Variants in AFG3L2 observed in about 807,000 individuals in gnomAD.
AFG3L2 encodes the protein AFG3 like matrix AAA peptidase subunit 2.
Under a neutral mutation model 94.5 loss-of-function variants are expected in AFG3L2, and 54 were observed. The observed-to-expected ratio is 0.57, with a 90% CI of 0.46 to 0.72. The LOEUF (loss-of-function observed/expected upper bound fraction) is 0.72. Among genes scored for constraint, AFG3L2 ranks in the 30% least tolerant of loss-of-function variants. The pLI, the probability that AFG3L2 is intolerant of heterozygous loss-of-function variation, is 0.00. For missense variants in AFG3L2, 754 were observed against 994.9 expected (o/e 0.76, Z 3.26); for synonymous variants, 377 against 365.5 (o/e 1.03, Z -0.36).
rs550591123 is a variant in AFG3L2 at position 12,329,240 on chromosome 18, G to A, written c.*325C>T. ...CCACACGCCAAGAGTCCAGTGCAAC[G>A]ATCCCTGCCACACGGTCAGCCGACC... On this transcript the variant is annotated 3_prime_UTR_variant, in exon 17 of 17. Transcript: ENST00000269143. The A allele has an allele frequency of 2.6e-4, 185 of 702,300 alleles. No homozygotes were observed. The highest frequency in any genetic ancestry group is 2.5e-3 in the African/African-American group (146 of 57,334). 43.5% of individuals were successfully genotyped at this position (702,300 alleles called of 1,614,324 possible). A position where few individuals can be genotyped will look rare whatever the true frequency, so the allele number is the denominator to read the frequency against.
At chr18:12,349,778 C>T in intron 12 of AFG3L2, among the ~76,000 whole-genome samples, 1 of 152,052 alleles carries the variant, frequency 6.6e-6, no homozygotes, top group South Asian at 2.1e-4. Context: ...TCTCCTGCTT[C>T]AGCCTCCCGA....
intron 9 of AFG3L2, among the ~76,000 whole-genome samples, chr18:12,354,132 A>ACCCCCCCCCCCCC (rs1555672008): frequency 1.8e-5 from 1 of 55,842 alleles, no homozygotes; most frequent in Non-Finnish European, 3.4e-5. Context: ...GCCCACTCCC[A>ACCCCCCCCCCCCC]CCCCCCCCCC....
intron 6 of AFG3L2, among the ~76,000 whole-genome samples, chr18:12,362,083 G>A (rs1236650161): frequency 1.3e-5 from 2 of 152,212 alleles, no homozygotes; most frequent in Non-Finnish European, 2.9e-5. Context: ...CAGGACTCAA[G>A]TTTTAATAGC....
chr18:12,331,987 A>T (rs1313037125), intron 16 of AFG3L2, among the ~76,000 whole-genome samples: 1 of 152,112 alleles, frequency 6.6e-6, no homozygotes, highest in African/African-American at 2.4e-5. Flanking sequence ...AGCCTACAGA[A>T]AAAGGGACCC....
Position 12,377,185 on chromosome 18 carries a change from G to C in AFG3L2, c.-103C>G, listed in dbSNP as rs1227688874. 1.1e-6 allele frequency: 1 copy of C among 887,998 alleles called. No homozygotes were observed. Among genetic ancestry groups the C allele is most frequent in the Admixed American group, 2.7e-5 (1 of 36,422 alleles). The allele number at this position is 887,998 out of a possible 1,614,324, so 55.0% of individuals were successfully genotyped here. On this transcript the variant is annotated 5_prime_UTR_variant, in exon 1 of 17. Coordinates refer to ENST00000269143, the MANE Select transcript of AFG3L2 (RefSeq NM_006796.3). ...GCTCGGCTCGGGGAAAGGCCGCCAG[G>C]CAGCGAAGCGCGCCGGCGGCTCACG...
chr18:12,331,870 G>T (rs1907544043), intron 16 of AFG3L2, among the ~76,000 whole-genome samples: 1 of 147,466 alleles, frequency 6.8e-6, no homozygotes, highest in African/African-American at 2.6e-5. Flanking sequence ...TAAAACAAGG[G>T]CAGAGATACA....
chr18:12,351,019 G>A lies in AFG3L2; in HGVS notation c.1552+66C>T, dbSNP rs774923992. 1.2e-3 allele frequency: 1,989 copies of A among 1,593,728 alleles called. 5 individuals carry two copies. Among genetic ancestry groups the A allele is most frequent in the Non-Finnish European group, 1.6e-3 (1,812 of 1,164,196 alleles). ...AAGTGAAAAGGTAAGAAAGTAAACC[G>A]GTACCTGGTAACTGTTACTGATTTT... On this transcript the variant is annotated intron_variant, in intron 12 of 16. Transcript: ENST00000269143.
intron 9 of AFG3L2, 88 bp downstream of exon 9, chr18:12,356,606 G>T: frequency 6.3e-7 from 1 of 1,584,304 alleles, no homozygotes; most frequent in Non-Finnish European, 8.7e-7. Flanking sequence ...GCACTCTAGG[G>T]GGAAGGGCCA....
Position 12,351,288 on chromosome 18 carries a change from C to T in AFG3L2, c.1426+18G>A. ...ACACTCATGAGCACTGGACCTGCCC[C>T]AGCAAACATCATCTCACCAATAAAG... On this transcript the variant is annotated intron_variant, in intron 11 of 16. Coordinates refer to ENST00000269143, the MANE Select transcript of AFG3L2 (RefSeq NM_006796.3). 10 of 1,614,140 alleles carry T rather than the reference C, an allele frequency of 6.2e-6. No individual in the cohort carries two copies. The highest frequency in any genetic ancestry group is 8.5e-6 in the Non-Finnish European group (10 of 1,179,998).
intron 13 of AFG3L2, among the ~76,000 whole-genome samples, chr18:12,345,891 T>C (rs552387473): frequency 6.6e-6 from 1 of 152,350 alleles, no homozygotes; most frequent in South Asian, 2.1e-4. Context: ...GGTGATTCAT[T>C]CATTCAACAA....
At chr18:12,332,710 T>G (rs1004486559) in intron 16 of AFG3L2, among the ~76,000 whole-genome samples, 2 of 149,430 alleles carry the variant, frequency 1.3e-5, no homozygotes, top group Non-Finnish European at 3.0e-5. Flanking sequence ...TCTAAAAGAT[T>G]AGGATTGTTT....
chr18:12,329,885 A>G lies in AFG3L2; in HGVS notation c.2176-102T>C, dbSNP rs1048124730. ...GTGACCCCATTCCAAAAAAGGATTT[A>G]AGACCAATGAAAAAGATGTCTCATA... On this transcript the variant is annotated intron_variant, in intron 16 of 16. Coordinates refer to ENST00000269143, the MANE Select transcript of AFG3L2 (RefSeq NM_006796.3). 4.4e-5 allele frequency: 45 copies of G among 1,027,302 alleles called. No homozygotes were observed. The African/African-American group carries it at 6.5e-4, about 15-fold the overall frequency. The allele number at this position is 1,027,302 out of a possible 1,614,324, so 63.6% of individuals were successfully genotyped here. A position where few individuals can be genotyped will look rare whatever the true frequency, so the allele number is the denominator to read the frequency against.
chr18:12,337,320 A>G (rs778865812), intron 16 of AFG3L2, 21 bp downstream of exon 16: 1 of 1,610,906 alleles, frequency 6.2e-7, no homozygotes, highest in Admixed American at 1.7e-5. Context: ...GTAAAGAATT[A>G]TTCCCACAAC....
At position 12,356,843 on chromosome 18, in the gene AFG3L2, A is replaced by T. The variant is rs370358777; in HGVS notation, c.1027-12T>A. ...GTGAGAATGGCACCCTTCAGATATG[A>T]AAAAAGAAATTACATTTAATGAGAA... is the stretch of plus-strand genomic sequence containing the variant. On this transcript the variant is annotated splice_polypyrimidine_tract_variant and intron_variant, in intron 8 of 16. Transcript: ENST00000269143. The T allele has an allele frequency of 2.1e-5, 34 of 1,613,470 alleles. No homozygotes were observed. The Middle Eastern group carries it at 6.8e-4, about 32-fold the overall frequency.
At position 12,377,024 on chromosome 18, in the gene AFG3L2, T is replaced by C; in HGVS notation, c.59A>G (p.Gln20Arg). ...GRGGCWPRGLQQLLVPGGVGP... is the reference protein window; with the variant it reads ...GRGGCWPRGLRQLLVPGGVGP... Reference sequence around the variant, plus strand: ...CACGCCGCCAGGCACGAGGAGCTGCTGTAGGCCGCGGGGCCAGCAGCCGCC... The same window carrying C: ...CACGCCGCCAGGCACGAGGAGCTGCCGTAGGCCGCGGGGCCAGCAGCCGCC... The change falls in exon 1 of 17, where the codon CAG (glutamine) becomes CGG (arginine). Residue 20 changes from glutamine to arginine, a missense_variant. By Grantham distance (43) the Gln-to-Arg change is conservative. Coordinates refer to ENST00000269143, the MANE Select transcript of AFG3L2 (RefSeq NM_006796.3). The C allele has an allele frequency of 6.9e-7, 1 of 1,449,446 alleles. No individual in the cohort carries two copies. The highest frequency in any genetic ancestry group is 9.1e-7 in the Non-Finnish European group (1 of 1,104,114). 89.8% of individuals were successfully genotyped at this position (1,449,446 alleles called of 1,614,324 possible).
rs770925492 is a variant in AFG3L2, at chr18:12,370,831, A to ATATATTATATTT, written c.292+17_292+18insAAATATAATATA. The ATATATTATATTT allele has an allele frequency of 5.9e-5, 90 of 1,513,116 alleles. No individual in the cohort carries two copies. The highest frequency in any genetic ancestry group is 9.2e-6 in the Non-Finnish European group (10 of 1,092,584). The allele number at this position is 1,513,116 out of a possible 1,614,324, so 93.7% of individuals were successfully genotyped here. On this transcript the variant is annotated intron_variant, in intron 3 of 16. Coordinates refer to ENST00000269143, the MANE Select transcript of AFG3L2 (RefSeq NM_006796.3). ...AGGGGAAAACACAAAATTCAAATAT[A>ATATATTATATTT]ATATTGTCAAAAGGTACCTTTTTTC...
chr18:12,333,308 T>G (rs981361127), intron 16 of AFG3L2, among the ~76,000 whole-genome samples: 232 of 131,096 alleles, frequency 1.8e-3, no homozygotes, highest in Middle Eastern at 3.8e-3. Context: ...ATATATTATA[T>G]ATTATAAATA....
chr18:12,372,478 A>G (rs2143237506), intron 1 of AFG3L2, among the ~76,000 whole-genome samples: 1 of 152,326 alleles, frequency 6.6e-6, no homozygotes, highest in South Asian at 2.1e-4. Flanking sequence ...AAACAGTTTG[A>G]CAGAGCTCCA....
Position 12,358,854 on chromosome 18 carries a change from G to A in AFG3L2, c.842C>T (p.Thr281Ile), listed in dbSNP as rs1317339894. 5 of 1,614,260 alleles carry A rather than the reference G, an allele frequency of 3.1e-6. No homozygotes were observed. The highest frequency in any genetic ancestry group is 4.2e-6 in the Non-Finnish European group (5 of 1,180,052). Residue 281 changes from threonine (T) to isoleucine (I), a missense_variant, in exon 8 of 17, where the codon ACA becomes ATA. Thr to Ile is a moderately conservative substitution (Grantham distance 89). Transcript: ENST00000269143. The stretch of plus-strand genomic sequence containing the variant: ...GAAGAGTCCGCCCATCCCTCGGCCT[G>A]TCCGGCCAATGCCAGCAGGCCCTCT... ...IRRGPAGIGRTGRGMGGLFSV... is the reference protein window; with the variant it reads ...IRRGPAGIGRIGRGMGGLFSV...
Sources: gnomAD v4.1 joint callset for allele counts (sites outside exome capture counted in the v4.1 genomes callset) on GRCh38, gnomAD v4.1.1 for gene constraint, MANE v1.5 for transcripts, NCBI Gene and HGNC (gene_info 2026-07-23, HGNC 2026-07-21) for gene names.